Variants in NKAIN3 observed in about 807,000 individuals in gnomAD.
NKAIN3 encodes the protein sodium/potassium-transporting ATPase subunit beta-1-interacting protein 3.
A neutral mutation model predicts 30.2 loss-of-function variants in NKAIN3; 25 were observed. The observed-to-expected ratio is 0.83, with a 90% CI of 0.60 to 1.16. The LOEUF is 1.16. Among genes scored for constraint, NKAIN3 ranks in the 50% most tolerant of loss-of-function variants. The probability of loss-of-function intolerance (pLI) is 0.00; values close to 1 mark genes in which losing one functional copy is unlikely to be tolerated. For synonymous variants in NKAIN3, 91 were observed against 89.6 expected (o/e 1.02, Z -0.09); for missense variants, 225 against 254.1 (o/e 0.89, Z 0.78).
rs1172111059 is a variant in NKAIN3, at chr8:62,401,863, G to A, written c.54+152736G>A. 2.0e-5 allele frequency among the ~76,000 whole-genome samples: 3 copies of A among 152,144 alleles called. No individual in the cohort carries two copies. In the East Asian group the frequency reaches 5.8e-4, roughly 29 times the overall value. ...CATCATGGGGACTGCACCAAGTTAG[G>A]CCCAAAGCCAGCACAACACTGGGTC... is the stretch of plus-strand genomic sequence containing the variant. On this transcript the variant is annotated intron_variant, in intron 1 of 6. Transcript: ENST00000623646.
intron 3 of NKAIN3, among the ~76,000 whole-genome samples, chr8:62,683,343 C>T (rs1813703721): frequency 6.6e-6 from 1 of 152,052 alleles, no homozygotes; most frequent in Non-Finnish European, 1.5e-5. Flanking sequence ...CACTATGGGT[C>T]AGTTTTTAAT....
chr8:62,452,611 GAGA>G (rs1404136233), intron 1 of NKAIN3, among the ~76,000 whole-genome samples: 1 of 152,154 alleles, frequency 6.6e-6, no homozygotes, highest in Non-Finnish European at 1.5e-5. Flanking sequence ...CAGTAATTAT[GAGA>G]AGGAGTTCAG....
intron 4 of NKAIN3, among the ~76,000 whole-genome samples, chr8:62,844,773 G>A (rs2130764660): frequency 6.6e-6 from 1 of 152,172 alleles, no homozygotes; most frequent in Non-Finnish European, 1.5e-5. Context: ...CTGGTCAAAG[G>A]AGATTGTTTC....
intron 4 of NKAIN3, chr8:62,863,320 G>A (rs1486328569): frequency 3.9e-6 from 6 of 1,549,514 alleles, no homozygotes; most frequent in East Asian, 2.3e-5. Flanking sequence ...TGAAGGAGGA[G>A]GAATACCTGC....
intron 3 of NKAIN3, among the ~76,000 whole-genome samples, chr8:62,611,240 C>A (rs918841041): frequency 6.6e-6 from 1 of 151,972 alleles, no homozygotes; most frequent in African/African-American, 2.4e-5. Flanking sequence ...TTGATACAGG[C>A]ATGAAATATG....
intron 3 of NKAIN3, among the ~76,000 whole-genome samples, chr8:62,745,200 A>G (rs572554155): frequency 6.6e-6 from 1 of 152,324 alleles, no homozygotes; most frequent in African/African-American, 2.4e-5. Flanking sequence ...AATTTCAGGC[A>G]TTTAGGTGTC....
rs1044901777 is a variant in NKAIN3, at chr8:62,977,980, T to C, written c.*12573T>C. Reference sequence around the variant, plus strand: ...TCTAACAGTCAGGCCCTTCTTCTGCTGGTCTGCTGGAGTTTTCTGGGGGTC... The same window carrying C: ...TCTAACAGTCAGGCCCTTCTTCTGCCGGTCTGCTGGAGTTTTCTGGGGGTC... On this transcript the variant is annotated 3_prime_UTR_variant, in exon 7 of 7. Transcript: ENST00000623646. 6.6e-6 allele frequency: 1 copy of C among 152,418 alleles called. No homozygotes were observed. The highest frequency in any genetic ancestry group is 1.9e-4 in the East Asian group (1 of 5,194). The allele number at this position is 152,418 out of a possible 1,614,324, so 9.4% of individuals were successfully genotyped here.
chr8:62,611,021 T>TG (rs974333208), intron 3 of NKAIN3, among the ~76,000 whole-genome samples: 3 of 152,122 alleles, frequency 2.0e-5, no homozygotes, highest in Non-Finnish European at 2.9e-5. Flanking sequence ...GAAATTTCAG[T>TG]GGGGGAAAAA....
At chr8:62,914,676 T>C (rs972400144) in intron 4 of NKAIN3, among the ~76,000 whole-genome samples, 4 of 152,110 alleles carry the variant, frequency 2.6e-5, no homozygotes, top group Admixed American at 6.5e-5. Flanking sequence ...TGTCAAATAT[T>C]CCTCTCATCA....
At chr8:62,461,011 C>G (rs376573068) in intron 1 of NKAIN3, among the ~76,000 whole-genome samples, 260 of 152,312 alleles carry the variant, frequency 1.7e-3, no homozygotes, top group African/African-American at 5.9e-3. Context: ...GGCTGAGTAC[C>G]TGTCCAGGGC....
chr8:62,372,216 G>GAA (rs141145879), intron 1 of NKAIN3, among the ~76,000 whole-genome samples: 2 of 151,168 alleles, frequency 1.3e-5, no homozygotes, highest in Admixed American at 6.6e-5. Context: ...CTTAAAAAAA[G>GAA]AAAAAAAATG....
intron 4 of NKAIN3, among the ~76,000 whole-genome samples, chr8:62,826,389 C>T (rs539020237): frequency 6.6e-6 from 1 of 152,200 alleles, no homozygotes; most frequent in Admixed American, 6.5e-5. Context: ...GCAGATCAAA[C>T]CCTGCTCAAA....
intron 4 of NKAIN3, among the ~76,000 whole-genome samples, chr8:62,817,459 G>C (rs1818719683): frequency 6.6e-6 from 1 of 151,974 alleles, no homozygotes; most frequent in Non-Finnish European, 1.5e-5. Flanking sequence ...TTCTGGTCTG[G>C]CATTCTTGGC....
intron 5 of NKAIN3, among the ~76,000 whole-genome samples, chr8:62,944,189 T>C (rs992541405): frequency 6.6e-6 from 1 of 152,158 alleles, no homozygotes; most frequent in African/African-American, 2.4e-5. Flanking sequence ...TTCCCTGTTG[T>C]CCTATGATGG....
intron 4 of NKAIN3, among the ~76,000 whole-genome samples, chr8:62,850,345 C>T (rs886144414): frequency 1.3e-5 from 2 of 152,040 alleles, no homozygotes; most frequent in Non-Finnish European, 2.9e-5. Flanking sequence ...ATTGTAGATT[C>T]TGCATATTAG....
chr8:62,953,996 GA>G (rs1397051287), intron 6 of NKAIN3, 24 bp downstream of exon 6: 1 of 867,262 alleles, frequency 1.2e-6, no homozygotes, highest in Non-Finnish European at 1.4e-6. Flanking sequence ...TGATGATATG[GA>G]AAATATTAAT....
At chr8:62,653,777 CT>C (rs1206559701) in intron 3 of NKAIN3, among the ~76,000 whole-genome samples, 1 of 152,136 alleles carries the variant, frequency 6.6e-6, no homozygotes, top group Non-Finnish European at 1.5e-5. Flanking sequence ...TACTGTTCCA[CT>C]GTGAGAGGGT....
chr8:62,888,533 C>A (rs1821212807), intron 4 of NKAIN3, among the ~76,000 whole-genome samples: 1 of 152,168 alleles, frequency 6.6e-6, no homozygotes, highest in Non-Finnish European at 1.5e-5. Flanking sequence ...GTGCATATCT[C>A]CAATTTTGGG....
chr8:62,832,140 A>G (rs554838078), intron 4 of NKAIN3, among the ~76,000 whole-genome samples: 120 of 152,168 alleles, frequency 7.9e-4, no homozygotes, highest in Middle Eastern at 3.4e-3. Flanking sequence ...AGAGAAATAA[A>G]ATCTTTTCCA....
Sources: allele counts gnomAD v4.1 joint callset (sites outside exome capture counted in the v4.1 genomes callset), GRCh38; gene constraint gnomAD v4.1.1; transcripts MANE v1.5; gene names NCBI Gene and HGNC (gene_info 2026-07-23, HGNC 2026-07-21).